CCDC169: variants seen among roughly 807,000 people sequenced by gnomAD.
The protein encoded by CCDC169 is coiled-coil domain containing 169.
In CCDC169, 30 loss-of-function variants were observed where a neutral mutation model predicts 36.0. That is an observed-to-expected ratio of 0.83 (90% CI 0.62 to 1.13). The LOEUF is 1.13. Ranked by LOEUF, CCDC169 falls within the 50% of genes most tolerant of loss-of-function variation. The pLI is 0.00. For missense variants in CCDC169, 245 were observed against 245.9 expected (o/e 1.00, Z 0.03); for synonymous variants, 85 against 81.5 (o/e 1.04, Z -0.23).
chr13:36,229,411 G>T (rs556986389), downstream of CCDC169, among the ~76,000 whole-genome samples: 2 of 151,998 alleles, frequency 1.3e-5, no homozygotes, highest in South Asian at 4.2e-4. Flanking sequence ...GTGATAAGAT[G>T]TTCAACTGAT....
chr13:36,231,177 C>T lies in CCDC169; in HGVS notation c.*16G>A. On this transcript the variant is annotated 3_prime_UTR_variant, in exon 8 of 8. Coordinates refer to ENST00000239859, the MANE Select transcript of CCDC169 (RefSeq NM_001144981.3). ...GAAAAAAAAAGGAAGAAATAGAAATCCATCCAGTTCTGGAATCATGGATGG... is the reference window on the plus strand; with the variant it reads ...GAAAAAAAAAGGAAGAAATAGAAATTCATCCAGTTCTGGAATCATGGATGG... 1 of 1,541,870 alleles carries T rather than the reference C, an allele frequency of 6.5e-7. No individual in the cohort carries two copies. Among genetic ancestry groups the T allele is most frequent in the East Asian group, 2.5e-5 (1 of 40,748 alleles).
chr13:36,294,734 T>A (rs1429014711), intron 2 of CCDC169, among the ~76,000 whole-genome samples: 2 of 151,746 alleles, frequency 1.3e-5, no homozygotes, highest in African/African-American at 4.8e-5. Context: ...TCTAAGGGGG[T>A]CTGCATGAGA....
At chr13:36,292,499 T>C (rs1400725914) in intron 2 of CCDC169, among the ~76,000 whole-genome samples, 4 of 152,174 alleles carry the variant, frequency 2.6e-5, no homozygotes, top group African/African-American at 9.7e-5. Flanking sequence ...TAAAACCAAA[T>C]TTTCTACATA....
chr13:36,293,211 A>G (rs1879118614), intron 2 of CCDC169, among the ~76,000 whole-genome samples: 1 of 152,176 alleles, frequency 6.6e-6, no homozygotes, highest in African/African-American at 2.4e-5. Context: ...CACCTTTAAT[A>G]TTGCCCCACT....
intron 2 of CCDC169, among the ~76,000 whole-genome samples, chr13:36,293,769 A>G (rs1190857227): frequency 6.6e-6 from 1 of 152,218 alleles, no homozygotes; most frequent in African/African-American, 2.4e-5. Flanking sequence ...AATCTTCAGT[A>G]TACCTGATTG....
chr13:36,268,568 A>C (rs1200408724), intron 4 of CCDC169, among the ~76,000 whole-genome samples: 1 of 152,184 alleles, frequency 6.6e-6, no homozygotes, highest in Non-Finnish European at 1.5e-5. Flanking sequence ...AAGGAGCTAG[A>C]GAAACAACAA....
chr13:36,246,665 T>C (rs974222906), intron 7 of CCDC169, among the ~76,000 whole-genome samples: 6 of 152,192 alleles, frequency 3.9e-5, no homozygotes, highest in African/African-American at 1.4e-4. Context: ...AGGAATTAAA[T>C]ATGTCTTATG....
Position 36,250,911 on chromosome 13 carries a change from T to C in CCDC169, c.469-2229A>G, listed in dbSNP as rs78094678. Among the ~76,000 whole-genome samples the C allele has an allele frequency of 3.7e-3, 564 of 152,348 alleles. 18 individuals are homozygous for C. The East Asian group carries it at 0.065, about 17-fold the overall frequency. On this transcript the variant is annotated intron_variant, in intron 6 of 7. Coordinates refer to ENST00000239859, the MANE Select transcript of CCDC169 (RefSeq NM_001144981.3). Reference sequence around the variant, plus strand: ...TGAAACAGAAAAGCCTCAGATTCCTTATCTGTGAGCTAAAAGCATTATATT... The same window carrying C: ...TGAAACAGAAAAGCCTCAGATTCCTCATCTGTGAGCTAAAAGCATTATATT...
intron 4 of CCDC169, among the ~76,000 whole-genome samples, chr13:36,277,708 T>G (rs1381922028): frequency 6.6e-6 from 1 of 152,120 alleles, no homozygotes; most frequent in East Asian, 1.9e-4. Flanking sequence ...ACGCCTGTAA[T>G]GGGAGGCTGA....
chr13:36,274,696 G>A (rs2138574890), intron 4 of CCDC169, among the ~76,000 whole-genome samples: 1 of 152,042 alleles, frequency 6.6e-6, no homozygotes, highest in African/African-American at 2.4e-5. Flanking sequence ...TTTCACCTAC[G>A]ATCTTGTTTT....
chr13:36,249,207 G>T, intron 6 of CCDC169, among the ~76,000 whole-genome samples: 1 of 152,182 alleles, frequency 6.6e-6, no homozygotes, highest in Middle Eastern at 3.2e-3. Context: ...GAAGCCAAGA[G>T]TGAATGAGAT....
chr13:36,234,072 G>A (rs181473012), intron 7 of CCDC169, among the ~76,000 whole-genome samples: 30 of 152,170 alleles, frequency 2.0e-4, no homozygotes, highest in African/African-American at 4.3e-4. Flanking sequence ...ACCTTTGTTC[G>A]CCAAACCTTT....
chr13:36,245,308 T>G (rs962454593), intron 7 of CCDC169, among the ~76,000 whole-genome samples: 1 of 152,130 alleles, frequency 6.6e-6, no homozygotes, highest in African/African-American at 2.4e-5. Context: ...TTTTGTTTTT[T>G]TTTTCTTAAG....
intron 4 of CCDC169, among the ~76,000 whole-genome samples, chr13:36,259,726 CAG>C (rs1874375346): frequency 6.6e-6 from 1 of 151,992 alleles, no homozygotes; most frequent in Non-Finnish European, 1.5e-5. Flanking sequence ...CACGACCAAT[CAG>C]AGGCTGAAGT....
At chr13:36,264,985 TAGCAC>T (rs1875092311) in intron 4 of CCDC169, among the ~76,000 whole-genome samples, 4 of 152,198 alleles carry the variant, frequency 2.6e-5, no homozygotes, top group African/African-American at 9.7e-5. Flanking sequence ...AGTTGATTGG[TAGCAC>T]TGTTCAGGTC....
chr13:36,283,375 C>G, intron 4 of CCDC169, 94 bp downstream of exon 4: 1 of 1,172,396 alleles, frequency 8.5e-7, no homozygotes, highest in South Asian at 1.5e-5. Flanking sequence ...TTGGACCTTG[C>G]GCTAGTCTTC....
chr13:36,241,979 C>T lies in CCDC169; in HGVS notation c.545+6627G>A, dbSNP rs1397547498. ...GGTTGTTTGAAAATGTGTAGCACTT[C>T]CCCATTCACTCTCTCTTCTGCTCTG... is the stretch of plus-strand genomic sequence containing the variant. On this transcript the variant is annotated intron_variant, in intron 7 of 7. Transcript: ENST00000239859. 6.6e-5 allele frequency among the ~76,000 whole-genome samples: 10 copies of T among 152,028 alleles called. No homozygotes were observed. In the South Asian group the frequency reaches 2.1e-3, roughly 31 times the overall value.
chr13:36,247,314 C>G (rs1490719650), intron 7 of CCDC169, among the ~76,000 whole-genome samples: 1 of 152,164 alleles, frequency 6.6e-6, no homozygotes, highest in Non-Finnish European at 1.5e-5. Flanking sequence ...ATCTATTCTG[C>G]TGCCCATGGA....
intron 4 of CCDC169, among the ~76,000 whole-genome samples, chr13:36,263,211 A>T (rs999405329): frequency 2.6e-5 from 4 of 151,928 alleles, no homozygotes; most frequent in African/African-American, 9.7e-5. Flanking sequence ...AAAGGGTTAG[A>T]GGTCAGAGCA....
Sources: gnomAD v4.1 joint callset for allele counts (sites outside exome capture counted in the v4.1 genomes callset) on GRCh38, gnomAD v4.1.1 for gene constraint, MANE v1.5 for transcripts, NCBI Gene and HGNC (gene_info 2026-07-23, HGNC 2026-07-21) for gene names.